Variants in C11orf65 observed in about 807,000 individuals in gnomAD.
The protein encoded by C11orf65 is protein MFI.
Under a neutral mutation model 35.3 loss-of-function variants are expected in C11orf65, and 38 were observed. The ratio of observed to expected loss-of-function variants is 1.08; its 90% confidence interval spans 0.83 to 1.41. The LOEUF (loss-of-function observed/expected upper bound fraction) is 1.41. C11orf65 is among the 40% of genes most tolerant of loss of function. The probability of loss-of-function intolerance (pLI) is 0.00; values close to 1 mark genes in which losing one functional copy is unlikely to be tolerated. For synonymous variants in C11orf65, 105 were observed against 114.4 expected, an observed-to-expected ratio of 0.92 and a Z score of 0.53; for missense variants, 370 against 367.1, an observed-to-expected ratio of 1.01 and a Z score of -0.06.
chr11:108,403,409 G>GTTT (rs71047691), intron 6 of C11orf65, among the ~76,000 whole-genome samples: 1,529 of 67,170 alleles, frequency 0.023, 151 homozygotes, highest in African/African-American at 0.073. Context: ...TGTTTGAGAG[G>GTTT]TTTTTTTTTT....
downstream of C11orf65, among the ~76,000 whole-genome samples, chr11:108,327,106 G>C (rs2085755515): frequency 6.6e-6 from 1 of 152,198 alleles, no homozygotes; most frequent in South Asian, 2.1e-4. Flanking sequence ...GGGATTACAG[G>C]CGTGAGCCAC....
chr11:108,457,474 T>C (rs1306518808), intron 2 of C11orf65, among the ~76,000 whole-genome samples: 1 of 152,064 alleles, frequency 6.6e-6, no homozygotes, highest in Non-Finnish European at 1.5e-5. Context: ...AAACCTCATC[T>C]CTACTAAAAA....
At chr11:108,330,084 C>T, downstream of C11orf65, 2 of 917,046 alleles carry the variant, frequency 2.2e-6, no homozygotes, top group Non-Finnish European at 3.4e-6. Context: ...CTTTATAATC[C>T]TTAGAAGTTT....
chr11:108,446,709 A>T (rs1221715120), intron 2 of C11orf65, among the ~76,000 whole-genome samples: 2 of 152,202 alleles, frequency 1.3e-5, no homozygotes, highest in African/African-American at 4.8e-5. Flanking sequence ...CAAGGCTAGG[A>T]AGAAACTGCA....
In C11orf65 at chr11:108,390,542, G is replaced by T. The variant is rs377154939; in HGVS notation, c.731+2666C>A. On this transcript the variant is annotated intron_variant, in intron 7 of 8. Coordinates refer to ENST00000393084, the MANE Select transcript of C11orf65 (RefSeq NM_152587.5). ...GGCCCTTAGCTTGAATCGGCCAATG[G>T]TACAAGGGAAAGGCAGAGCAGGATT... 3.4e-3 allele frequency among the ~76,000 whole-genome samples: 523 copies of T among 152,188 alleles called. 3 individuals are homozygous for T. The highest frequency in any genetic ancestry group is 0.012 in the African/African-American group (498 of 41,512).
At chr11:108,465,730 AT>A (rs1276644449) in intron 1 of C11orf65, among the ~76,000 whole-genome samples, 1 of 152,100 alleles carries the variant, frequency 6.6e-6, no homozygotes, top group Non-Finnish European at 1.5e-5. Context: ...CACGCCTGTA[AT>A]CCCAGCACTT....
intron 7 of C11orf65, 98 bp from the exon 8 acceptor site, chr11:108,386,073 T>C (rs901045252): frequency 1.0e-6 from 1 of 989,744 alleles, no homozygotes; most frequent in Non-Finnish European, 1.6e-6. Flanking sequence ...CTTAGATTAA[T>C]GATGGCATGT....
chr11:108,380,991 A>T (rs2091855169), downstream of C11orf65, among the ~76,000 whole-genome samples: 1 of 152,234 alleles, frequency 6.6e-6, no homozygotes, highest in South Asian at 2.1e-4. Flanking sequence ...GGAAAACACT[A>T]GTCCTATCAT....
chr11:108,394,446 G>C (rs1217629672), intron 6 of C11orf65, among the ~76,000 whole-genome samples: 1 of 152,056 alleles, frequency 6.6e-6, no homozygotes, highest in Non-Finnish European at 1.5e-5. Context: ...AGATCATGTA[G>C]CAGTAAATAC....
At chr11:108,315,298 T>C (rs1370791137) in intron 6 of C11orf65, among the ~76,000 whole-genome samples, 1 of 152,258 alleles carries the variant, frequency 6.6e-6, no homozygotes, top group Non-Finnish European at 1.5e-5. Context: ...GCAATTATGA[T>C]TTAATACTGC....
intron 7 of C11orf65, among the ~76,000 whole-genome samples, chr11:108,391,943 G>A (rs1377656182): frequency 6.6e-6 from 1 of 151,442 alleles, no homozygotes; most frequent in East Asian, 1.9e-4. Context: ...AAATAGAGGC[G>A]CTGTCTCACT....
intron 2 of C11orf65, chr11:108,366,396 GT>G (rs200629108): frequency 1.4e-5 from 3 of 216,346 alleles, no homozygotes; most frequent in East Asian, 6.9e-5. Flanking sequence ...CATTTTTAAT[GT>G]TTTTTTAATG....
intron 2 of C11orf65, among the ~76,000 whole-genome samples, chr11:108,362,246 G>C (rs1189926517): frequency 6.7e-6 from 1 of 149,054 alleles, no homozygotes; most frequent in Non-Finnish European, 1.5e-5. Flanking sequence ...AAACCACAAT[G>C]AGATACCATC....
chr11:108,358,533 G>A (rs1277389624), intron 2 of C11orf65, among the ~76,000 whole-genome samples: 1 of 139,336 alleles, frequency 7.2e-6, no homozygotes, highest in East Asian at 2.0e-4. Flanking sequence ...AAATGTTAAG[G>A]GCAGCCAGAG....
At chr11:108,323,035 AATTACT>A (rs1294530290) in intron 6 of C11orf65, among the ~76,000 whole-genome samples, 2 of 152,032 alleles carry the variant, frequency 1.3e-5, no homozygotes, top group African/African-American at 4.8e-5. Context: ...TGCTATTTTG[AATTACT>A]ATTATTATTA....
intron 6 of C11orf65, chr11:108,310,391 A>G (rs1001891996): frequency 1.4e-6 from 2 of 1,386,872 alleles, no homozygotes; most frequent in Non-Finnish European, 2.0e-6. Context: ...GTAAAGATTT[A>G]TTTTGCCTCC....
At chr11:108,396,884 T>TAAAATAAA (rs951727855) in intron 6 of C11orf65, among the ~76,000 whole-genome samples, 2 of 144,134 alleles carry the variant, frequency 1.4e-5, no homozygotes, top group African/African-American at 5.2e-5. Flanking sequence ...TAAAATAAAA[T>TAAAATAAA]AGTTACTATT....
At chr11:108,406,627 A>G (rs1238230046) in intron 5 of C11orf65, 136 bp downstream of exon 5, 2 of 534,212 alleles carry the variant, frequency 3.7e-6, no homozygotes, top group Non-Finnish European at 6.3e-6. Context: ...ACCCCTGAGT[A>G]GCTAACTTAA....
At position 108,335,921 on chromosome 11, in the gene C11orf65, C is replaced by G. The variant is rs730881321; in HGVS notation, c.227-629G>C. The stretch of plus-strand genomic sequence containing the variant: ...TGTAATACATTACTGCAGAGAAACA[C>G]GGAAACTAGGAAGAGGAAATTAACT... On this transcript the variant is annotated intron_variant, in intron 2 of 3. Transcript: ENST00000524755. The G allele has an allele frequency of 6.2e-7, 1 of 1,613,804 alleles. No individual in the cohort carries two copies. The highest frequency in any genetic ancestry group is 8.5e-7 in the Non-Finnish European group (1 of 1,179,830).
Sources: allele counts gnomAD v4.1 joint callset (sites outside exome capture counted in the v4.1 genomes callset), GRCh38; gene constraint gnomAD v4.1.1; transcripts MANE v1.5; gene names NCBI Gene and HGNC (gene_info 2026-07-23, HGNC 2026-07-21).